Variants in RTN4R observed in about 807,000 individuals in gnomAD.
RTN4R encodes reticulon 4 receptor.
RTN4R carries 4 observed loss-of-function variants against 27.7 expected under a neutral mutation model. The observed-to-expected ratio is 0.14, with a 90% CI of 0.07 to 0.33. The LOEUF (loss-of-function observed/expected upper bound fraction) is 0.33. Ranked by LOEUF, RTN4R falls within the 10% of genes least tolerant of loss-of-function variation. The pLI is 1.00. For synonymous variants in RTN4R, 290 were observed against 305.6 expected (o/e 0.95, Z 0.53); for missense variants, 554 against 671.5 (o/e 0.83, Z 1.93).
chr22:20,244,369 G>A (rs1370735312), intron 1 of RTN4R, among the ~76,000 whole-genome samples: 6 of 152,200 alleles, frequency 3.9e-5, no homozygotes, highest in African/African-American at 1.4e-4. Context: ...TACTTGGGCA[G>A]ACAGTGCAGT....
chr22:20,243,489 C>A (rs1230662714), intron 1 of RTN4R: 2 of 513,194 alleles, frequency 3.9e-6, no homozygotes, highest in Admixed American at 2.3e-5. Flanking sequence ...TTGCAGGAGT[C>A]CCCGGGGGGT....
At chr22:20,264,177 G>A (rs555595598) in intron 1 of RTN4R, among the ~76,000 whole-genome samples, 1 of 152,378 alleles carries the variant, frequency 6.6e-6, no homozygotes, top group Non-Finnish European at 1.5e-5. Context: ...ATCTCCCAGT[G>A]TCCAGCTCCA....
In RTN4R at chr22:20,242,518, G is replaced by A. The variant is rs2051114296; in HGVS notation, c.615C>T (p.Asp205=). The stretch of plus-strand genomic sequence containing the variant: ...CGCGGTTCTGGTGCAGTAGGAGACG[G>A]TCGAGGCTGTGCAGCCCACGGAAGG... ...ERAFRGLHSL[D]RLLLHQNRVA... Residue 205 remains aspartate, a synonymous_variant, in exon 2 of 2, where the codon GAC becomes GAT. Transcript: ENST00000043402. 6.2e-7 allele frequency: 1 copy of A among 1,613,602 alleles called. No individual in the cohort carries two copies. Among genetic ancestry groups the A allele is most frequent in the Admixed American group, 1.7e-5 (1 of 60,010 alleles).
intron 1 of RTN4R, among the ~76,000 whole-genome samples, chr22:20,260,721 G>A (rs1166033178): frequency 6.7e-6 from 1 of 150,108 alleles, no homozygotes; most frequent in African/African-American, 2.4e-5. Flanking sequence ...AGTCAGGGAC[G>A]AGGCATCCTC....
intron 1 of RTN4R, among the ~76,000 whole-genome samples, chr22:20,251,513 C>T (rs1043157998): frequency 2.6e-5 from 4 of 151,676 alleles, no homozygotes; most frequent in African/African-American, 9.7e-5. Flanking sequence ...ATCACCATCA[C>T]CATCCTCATC....
intron 1 of RTN4R, among the ~76,000 whole-genome samples, chr22:20,251,143 CA>C (rs1252425579): frequency 2.0e-5 from 3 of 152,136 alleles, no homozygotes; most frequent in Non-Finnish European, 4.4e-5. Context: ...CTGGCCAGGT[CA>C]CACCAAGGTG....
At chr22:20,253,072 C>A (rs1260178198) in intron 1 of RTN4R, among the ~76,000 whole-genome samples, 1 of 152,188 alleles carries the variant, frequency 6.6e-6, no homozygotes, top group African/African-American at 2.4e-5. Flanking sequence ...TCTGCTCCAG[C>A]GGTCTTGCAA....
intron 1 of RTN4R, among the ~76,000 whole-genome samples, chr22:20,248,970 G>A (rs1348574298): frequency 6.6e-6 from 1 of 152,110 alleles, no homozygotes; most frequent in Non-Finnish European, 1.5e-5. Flanking sequence ...CCACCCCAGT[G>A]AGCCCCACAC....
chr22:20,262,007 G>A (rs2051250364), intron 1 of RTN4R, among the ~76,000 whole-genome samples: 1 of 152,258 alleles, frequency 6.6e-6, no homozygotes, highest in Non-Finnish European at 1.5e-5. Context: ...GAATCCCGGG[G>A]TGGGGAACAA....
chr22:20,242,107 G>A lies in RTN4R; in HGVS notation c.1026C>T (p.Asp342=), dbSNP rs2051110689. 2.5e-6 allele frequency: 4 copies of A among 1,611,974 alleles called. No individual in the cohort carries two copies. The highest frequency in any genetic ancestry group is 8.5e-7 in the Non-Finnish European group (1 of 1,179,404). ...TTCCAGGCTCCAGTACTGAGGCCTT[G>A]TCAGCGGCATCTGGCTGGCAGCACT... The part of the protein sequence containing the change: ...LPKCCQPDAA[D]KASVLEPGRP... Residue 342 remains aspartate, a synonymous_variant, in exon 2 of 2, where the codon GAC becomes GAT. Transcript: ENST00000043402.
At chr22:20,260,443 C>G (rs556849929) in intron 1 of RTN4R, among the ~76,000 whole-genome samples, 1 of 152,272 alleles carries the variant, frequency 6.6e-6, no homozygotes, top group African/African-American at 2.4e-5. Context: ...GAGGGGGCAC[C>G]AGGGCTGACT....
At chr22:20,263,127 T>C (rs2051257283) in intron 1 of RTN4R, among the ~76,000 whole-genome samples, 1 of 152,238 alleles carries the variant, frequency 6.6e-6, no homozygotes, top group Non-Finnish European at 1.5e-5. Flanking sequence ...AGGTTAAATT[T>C]GCACATCGCC....
chr22:20,249,544 C>G (rs1316460272), intron 1 of RTN4R, among the ~76,000 whole-genome samples: 1 of 152,214 alleles, frequency 6.6e-6, no homozygotes, highest in Non-Finnish European at 1.5e-5. Flanking sequence ...GGAGCACAGA[C>G]TCAGTGCATG....
Position 20,255,601 on chromosome 22 carries a change from C to G in RTN4R, c.22+12470G>C, listed in dbSNP as rs1291606943. Among the ~76,000 whole-genome samples, 1 of 152,262 alleles carries G rather than the reference C, an allele frequency of 6.6e-6. No homozygotes were observed. The highest frequency in any genetic ancestry group is 1.5e-5 in the Non-Finnish European group (1 of 68,046). ...GCTTGGGCCTTCCCTGCAGGCCAGG[C>G]AGCTGCTTCCCTGAACCAGCCTCAG... is the stretch of plus-strand genomic sequence containing the variant. On this transcript the variant is annotated intron_variant, in intron 1 of 1. Coordinates refer to ENST00000043402, the MANE Select transcript of RTN4R (RefSeq NM_023004.6). This position sits in a 1 kb window ranked among gnomAD's most constrained non-coding sequence, Gnocchi z 4.8.
rs1367114013 is a variant in RTN4R at position 20,268,283 on chromosome 22, A to T, written c.-191T>A. 4.2e-3 allele frequency: 26 copies of T among 6,126 alleles called. No homozygotes were observed. Among genetic ancestry groups the T allele is most frequent in the East Asian group, 0.014 (2 of 142 alleles). 0.4% of individuals were successfully genotyped at this position (6,126 alleles called of 1,614,324 possible). ...CGGGCCGCGGGTGCGCAGGGCGCGCAGGGCGCACAGGGCGAGGGCGGCGGC... is the reference window on the plus strand; with the variant it reads ...CGGGCCGCGGGTGCGCAGGGCGCGCTGGGCGCACAGGGCGAGGGCGGCGGC... On this transcript the variant is annotated 5_prime_UTR_variant, in exon 1 of 2. Coordinates refer to ENST00000043402, the MANE Select transcript of RTN4R (RefSeq NM_023004.6).
chr22:20,242,297 C>A lies in RTN4R; in HGVS notation c.836G>T (p.Arg279Leu), dbSNP rs144550064. ...GCAGGGCACCTCGGAGGAGGAGCCG[C>A]GGAACTTCTGCAGCCAGGCCCAGAG... Reference protein sequence around the residue: ...RPLWAWLQKFRGSSSEVPCSL... With the variant: ...RPLWAWLQKFLGSSSEVPCSL... The change falls in exon 2 of 2, where the codon CGC becomes CTC. Residue 279 changes from arginine (R) to leucine (L), a missense_variant. Around this residue, in one of 2 missense-constraint regions of RTN4R, gnomAD observed 413 missense variants for 542.3 expected, o/e 0.76. Coordinates refer to ENST00000043402, the MANE Select transcript of RTN4R (RefSeq NM_023004.6). 5.0e-6 allele frequency: 8 copies of A among 1,604,618 alleles called. No homozygotes were observed. The highest frequency in any genetic ancestry group is 6.8e-6 in the Non-Finnish European group (8 of 1,176,654).
chr22:20,245,773 T>C (rs2051137044), intron 1 of RTN4R, among the ~76,000 whole-genome samples: 1 of 152,128 alleles, frequency 6.6e-6, no homozygotes, highest in Admixed American at 6.5e-5. Flanking sequence ...ATCACCCCAC[T>C]TTCCACTCTC....
chr22:20,242,583 A>C lies in RTN4R; in HGVS notation c.550T>G (p.Phe184Val). The change falls in exon 2 of 2, where the codon TTC (phenylalanine) becomes GTC (valine). Residue 184 changes from phenylalanine (F) to valine (V), a missense_variant. Coordinates refer to ENST00000043402, the MANE Select transcript of RTN4R (RefSeq NM_023004.6). ...FRDLGNLTHL[F>V]LHGNRISSVP... ...CTGGAGATGCGGTTGCCGTGCAGGA[A>C]GAGGTGTGTGAGGTTGCCCAGGTCG... The C allele has an allele frequency of 6.2e-7, 1 of 1,613,348 alleles. No individual in the cohort carries two copies. Among genetic ancestry groups the C allele is most frequent in the Non-Finnish European group, 8.5e-7 (1 of 1,179,938 alleles).
At position 20,268,272 on chromosome 22, in the gene RTN4R, G is replaced by GGCGGGCGGAGCGCT. The variant is rs1569044550; in HGVS notation, c.-181_-180insAGCGCTCCGCCCGC. ...CTGGCTGGGCTCGGGCCGCGGGTGC[G>GGCGGGCGGAGCGCT]CAGGGCGCGCAGGGCGCACAGGGCG... is the stretch of plus-strand genomic sequence containing the variant. On this transcript the variant is annotated 5_prime_UTR_variant, in exon 1 of 2. Transcript: ENST00000043402. 1.3e-5 allele frequency: 2 copies of GGCGGGCGGAGCGCT among 151,166 alleles called. No homozygotes were observed. Among genetic ancestry groups the GGCGGGCGGAGCGCT allele is most frequent in the East Asian group, 1.9e-4 (1 of 5,138 alleles). 9.4% of individuals were successfully genotyped at this position (151,166 alleles called of 1,614,324 possible). A position where few individuals can be genotyped will look rare whatever the true frequency, so the allele number is the denominator to read the frequency against.
Sources: allele counts gnomAD v4.1 joint callset (sites outside exome capture counted in the v4.1 genomes callset), GRCh38; gene constraint gnomAD v4.1.1; regional missense constraint gnomAD v4.1.1; non-coding constraint Gnocchi (gnomAD v3.1); transcripts MANE v1.5; gene names NCBI Gene and HGNC (gene_info 2026-07-23, HGNC 2026-07-21).